Variants in APPBP2 observed in about 807,000 individuals in gnomAD.
APPBP2 encodes amyloid beta precursor protein binding protein 2.
APPBP2 carries 15 observed loss-of-function variants against 76.0 expected under a neutral mutation model. The observed-to-expected ratio is 0.20, with a 90% CI of 0.13 to 0.30. The LOEUF is 0.30. Among genes scored for constraint, APPBP2 ranks in the 10% least tolerant of loss-of-function variants. The pLI is 1.00. For synonymous variants in APPBP2, 222 were observed against 242.2 expected (o/e 0.92, Z 0.77); for missense variants, 401 against 687.2 (o/e 0.58, Z 4.66).
rs1015505540 is a variant in APPBP2 at position 60,526,100 on chromosome 17, G to C, written c.-169C>G. 6.3e-6 allele frequency: 4 copies of C among 638,140 alleles called. No individual in the cohort carries two copies. The highest frequency in any genetic ancestry group is 1.1e-5 in the Non-Finnish European group (4 of 371,534). The allele number at this position is 638,140 out of a possible 1,614,324, so 39.5% of individuals were successfully genotyped here. ...TGCCTCCTCCGGGGGCAAACTGAGG[G>C]ACGGCGGCAGCGGACGCAGGCCCGA... On this transcript the variant is annotated 5_prime_UTR_variant, in exon 1 of 13. Coordinates refer to ENST00000083182, the MANE Select transcript of APPBP2 (RefSeq NM_006380.5).
intron 9 of APPBP2, among the ~76,000 whole-genome samples, chr17:60,458,651 A>G (rs1215283018): frequency 3.9e-5 from 6 of 152,218 alleles, no homozygotes; most frequent in African/African-American, 1.4e-4. Flanking sequence ...ATGAATGAGC[A>G]TGGCTATGTT....
intron 1 of APPBP2, among the ~76,000 whole-genome samples, chr17:60,516,168 A>G (rs2090961472): frequency 6.6e-6 from 1 of 151,910 alleles, no homozygotes; most frequent in Non-Finnish European, 1.5e-5. Flanking sequence ...CTCTCAAAAA[A>G]CAAAAACAAA....
intron 1 of APPBP2, among the ~76,000 whole-genome samples, chr17:60,502,778 G>A (rs541105705): frequency 1.4e-5 from 2 of 146,132 alleles, no homozygotes; most frequent in South Asian, 2.1e-4. Flanking sequence ...GCTTGAACTC[G>A]TAAGACAGGT....
intron 4 of APPBP2, among the ~76,000 whole-genome samples, chr17:60,475,412 A>T (rs142834589): frequency 6.6e-6 from 1 of 152,078 alleles, no homozygotes; most frequent in Non-Finnish European, 1.5e-5. Flanking sequence ...GCTGGAACTT[A>T]TATTTGGTTA....
chr17:60,483,636 G>C (rs1159718686), intron 3 of APPBP2, among the ~76,000 whole-genome samples: 1 of 151,982 alleles, frequency 6.6e-6, no homozygotes, highest in African/African-American at 2.4e-5. Flanking sequence ...CTCGTGATCC[G>C]CTCGCCTCGG....
At chr17:60,504,608 T>C (rs1395762462) in intron 1 of APPBP2, among the ~76,000 whole-genome samples, 1 of 152,178 alleles carries the variant, frequency 6.6e-6, no homozygotes, top group East Asian at 1.9e-4. Flanking sequence ...TCACATAAAA[T>C]TCAAGATCAG....
chr17:60,470,915 T>C (rs1371583079), intron 4 of APPBP2, among the ~76,000 whole-genome samples: 2 of 151,462 alleles, frequency 1.3e-5, no homozygotes, highest in Admixed American at 6.6e-5. Context: ...CTCAGCCTCC[T>C]GAGTAGCTGG....
Position 60,447,967 on chromosome 17 carries a change from T to C in APPBP2, c.1505-133A>G, listed in dbSNP as rs2090363166. 7.4e-6 allele frequency: 6 copies of C among 814,404 alleles called. No individual in the cohort carries two copies. In the Admixed American group the frequency reaches 9.1e-5, roughly 12 times the overall value. 50.4% of individuals were successfully genotyped at this position (814,404 alleles called of 1,614,324 possible). A position where few individuals can be genotyped will look rare whatever the true frequency, so the allele number is the denominator to read the frequency against. On this transcript the variant is annotated intron_variant, in intron 12 of 12. Coordinates refer to ENST00000083182, the MANE Select transcript of APPBP2 (RefSeq NM_006380.5). The stretch of plus-strand genomic sequence containing the variant: ...TTTATTCCCCTGAAAGGAATAGATA[T>C]AATTCTTGTATCAGCATCCCCTAAA...
At chr17:60,521,162 G>GA (rs1425878111) in intron 1 of APPBP2, among the ~76,000 whole-genome samples, 2 of 152,110 alleles carry the variant, frequency 1.3e-5, no homozygotes, top group Non-Finnish European at 2.9e-5. Context: ...CCCTTGGAGA[G>GA]AAAACTTTCA....
intron 4 of APPBP2, among the ~76,000 whole-genome samples, chr17:60,475,825 G>T (rs796383891): frequency 1.3e-5 from 2 of 152,192 alleles, no homozygotes; most frequent in African/African-American, 4.8e-5. Context: ...TAAAAAGTAA[G>T]TTTGTTCTGC....
chr17:60,513,158 C>T, intron 1 of APPBP2: 1 of 317,510 alleles, frequency 3.1e-6, no homozygotes, highest in Admixed American at 4.9e-5. Flanking sequence ...TCAGTATTTG[C>T]TACAGTAACC....
chr17:60,516,061 G>A (rs1350625352), intron 1 of APPBP2, among the ~76,000 whole-genome samples: 3 of 152,158 alleles, frequency 2.0e-5, no homozygotes, highest in African/African-American at 7.2e-5. Context: ...AGCTACTGGG[G>A]AAGCTGAGGC....
At chr17:60,454,951 C>T (rs895212107) in intron 10 of APPBP2, among the ~76,000 whole-genome samples, 2 of 152,138 alleles carry the variant, frequency 1.3e-5, no homozygotes, top group African/African-American at 4.8e-5. Flanking sequence ...ATCTGACCAA[C>T]CAAATCAGGC....
intron 4 of APPBP2, among the ~76,000 whole-genome samples, chr17:60,475,034 C>A (rs920270242): frequency 2.0e-5 from 3 of 152,070 alleles, no homozygotes; most frequent in African/African-American, 7.2e-5. Flanking sequence ...TCGACACCAT[C>A]CAGGCTAACA....
chr17:60,458,945 G>C (rs1411064111), intron 9 of APPBP2, among the ~76,000 whole-genome samples: 2 of 151,872 alleles, frequency 1.3e-5, no homozygotes, highest in Non-Finnish European at 2.9e-5. Flanking sequence ...GCTAATTTTT[G>C]TATTTTTAGT....
chr17:60,500,605 T>C (rs747950390), intron 1 of APPBP2, 118 bp from the exon 2 acceptor site: 2 of 719,690 alleles, frequency 2.8e-6, no homozygotes, highest in Non-Finnish European at 2.4e-6. Context: ...TTAAGAGAAA[T>C]GTAACACTAA....
At chr17:60,504,204 C>T (rs16944458) in intron 1 of APPBP2, among the ~76,000 whole-genome samples, 14,787 of 152,162 alleles carry the variant, frequency 0.097, 2,382 homozygotes, top group African/African-American at 0.33. Context: ...CAACCACTTT[C>T]AGCTGTTCCT....
intron 2 of APPBP2, among the ~76,000 whole-genome samples, chr17:60,498,640 T>C (rs555037840): frequency 4.3e-4 from 65 of 152,148 alleles, no homozygotes; most frequent in Non-Finnish European, 8.1e-4. Context: ...CATAGGTGAT[T>C]CTCATAAAAC....
chr17:60,501,498 G>C (rs1347900089), intron 1 of APPBP2, among the ~76,000 whole-genome samples: 3 of 152,096 alleles, frequency 2.0e-5, no homozygotes, highest in African/African-American at 7.2e-5. Flanking sequence ...CCGGGTTCAA[G>C]CAATCCTCCC....
Sources: gnomAD v4.1 joint callset for allele counts (sites outside exome capture counted in the v4.1 genomes callset) on GRCh38, gnomAD v4.1.1 for gene constraint, MANE v1.5 for transcripts, NCBI Gene and HGNC (gene_info 2026-07-23, HGNC 2026-07-21) for gene names.